Variants in LINC00632 observed in about 807,000 individuals in gnomAD.
LINC00632 encodes ALDOA related specific transcript.
rs535503136 is a variant in LINC00632, at chrX:140,725,988, G to A, written n.105-7890G>A. ...TAACACTGATTGCTTCACAACATAC[G>A]CACATAGCCCAAAACACACAAACAT... On this transcript the variant is annotated intron_variant and non_coding_transcript_variant, in intron 2 of 4. Transcript: ENST00000648200. 7.0e-4 allele frequency among the ~76,000 whole-genome samples: 78 copies of A among 110,746 alleles called. No individual in the cohort carries two copies. The South Asian group carries it at 0.018, about 26-fold the overall frequency.
At chrX:140,749,366 T>C (rs975577462) in intron 3 of LINC00632, among the ~76,000 whole-genome samples, 10 of 111,798 alleles carry the variant, frequency 8.9e-5, no homozygotes. Context: ...GTAACAGGGA[T>C]GGGAAAGTTT....
At chrX:140,780,453 T>G (rs1247691048) in exon 5 of LINC00632, among the ~76,000 whole-genome samples, 1 of 112,124 alleles carries the variant, frequency 8.9e-6, no homozygotes, top group Non-Finnish European at 1.9e-5. Flanking sequence ...TATGCTATAA[T>G]GTGGTTATCA....
chrX:140,787,578 AAGG>A lies in LINC00632; in HGVS notation n.15600_15602del, dbSNP rs755100098. Among the ~76,000 whole-genome samples the A allele has an allele frequency of 3.7e-3, 412 of 111,394 alleles. 6 individuals are homozygous for A. Among genetic ancestry groups the A allele is most frequent in the African/African-American group, 0.013 (397 of 30,772 alleles). On this transcript the variant is annotated non_coding_transcript_exon_variant, in exon 5 of 5. Transcript: ENST00000648200. Reference sequence around the variant, plus strand: ...GGTATTACTTAGGATAAATTTCTAAAAGGAGAGTTGCTGAGCCAAACAAGACCA... The same window carrying A: ...GGTATTACTTAGGATAAATTTCTAAAAGAGTTGCTGAGCCAAACAAGACCA...
intron 2 of LINC00632, among the ~76,000 whole-genome samples, chrX:140,729,101 C>A (rs1931013851): frequency 9.0e-6 from 1 of 110,766 alleles, no homozygotes; most frequent in African/African-American, 3.3e-5. Context: ...ACTTGACATA[C>A]CCCACAACAC....
Position 140,742,113 on chromosome X carries a change from T to G in LINC00632, n.191+8149T>G, listed in dbSNP as rs146968000. On this transcript the variant is annotated intron_variant and non_coding_transcript_variant, in intron 3 of 4. Transcript: ENST00000648200. ...TTGTAGGGAACTTCTAATCTATCTT[T>G]ACAGTAAATAGACTGAATATATTGG... Among the ~76,000 whole-genome samples, 722 of 111,795 alleles carry G rather than the reference T, an allele frequency of 6.5e-3. 7 individuals carry two copies. Among genetic ancestry groups the G allele is most frequent in the African/African-American group, 0.022 (689 of 30,751 alleles).
chrX:140,721,080 C>T (rs1930721578), intron 2 of LINC00632, among the ~76,000 whole-genome samples: 2 of 111,510 alleles, frequency 1.8e-5, no homozygotes, highest in South Asian at 7.6e-4. Context: ...TGATTTGTCC[C>T]CTAACAACTA....
intron 3 of LINC00632, among the ~76,000 whole-genome samples, chrX:140,757,611 G>A (rs1205160036): frequency 1.8e-5 from 2 of 111,434 alleles, no homozygotes; most frequent in Admixed American, 1.9e-4. Flanking sequence ...CTGTCACCCA[G>A]GCTGTAGTGC....
intron 2 of LINC00632, chrX:140,716,195 A>C (rs772280503): frequency 1.8e-5 from 2 of 112,023 alleles, no homozygotes; most frequent in African/African-American, 6.5e-5. Context: ...AACAACAGAA[A>C]TACAGCTTGT....
chrX:140,788,180 G>A (rs1185407693), exon 5 of LINC00632, among the ~76,000 whole-genome samples: 3 of 110,321 alleles, frequency 2.7e-5, no homozygotes, highest in African/African-American at 9.8e-5. Flanking sequence ...TGGGGTTGAG[G>A]AAATAGGGTC....
At chrX:140,736,475 T>C (rs999825978) in intron 3 of LINC00632, among the ~76,000 whole-genome samples, 7 of 100,109 alleles carry the variant, frequency 7.0e-5, no homozygotes, top group Non-Finnish European at 1.4e-4. Flanking sequence ...ACTCGTTCTG[T>C]TGCCAGCCTG....
At chrX:140,724,838 C>T (rs111220876) in intron 2 of LINC00632, among the ~76,000 whole-genome samples, 149 of 50,625 alleles carry the variant, frequency 2.9e-3, no homozygotes, top group Non-Finnish European at 3.7e-3. Flanking sequence ...ACATTCCACA[C>T]GCACACACAT....
intron 3 of LINC00632, among the ~76,000 whole-genome samples, chrX:140,741,457 A>G (rs1486758640): frequency 8.9e-6 from 1 of 112,059 alleles, no homozygotes; most frequent in African/African-American, 3.2e-5. Context: ...AGAAATGCAC[A>G]TAGGGTTAGA....
exon 4 of LINC00632, among the ~76,000 whole-genome samples, chrX:140,773,711 AC>A (rs896219323): frequency 8.9e-6 from 1 of 112,100 alleles, no homozygotes; most frequent in African/African-American, 3.2e-5. Context: ...GCTCCTACAG[AC>A]AAAAATGCAG....
At chrX:140,770,580 ATTACTG>A (rs1931772871) in intron 3 of LINC00632, among the ~76,000 whole-genome samples, 8 of 111,801 alleles carry the variant, frequency 7.2e-5, no homozygotes. Context: ...CATAAAATAA[ATTACTG>A]ATAACATTGT....
intron 2 of LINC00632, among the ~76,000 whole-genome samples, chrX:140,721,653 CA>C (rs1930729821): frequency 9.1e-6 from 1 of 110,362 alleles, no homozygotes; most frequent in Non-Finnish European, 1.9e-5. Context: ...GTCCGTGGCC[CA>C]GGGGTTAGGG....
intron 1 of LINC00632, among the ~76,000 whole-genome samples, chrX:140,710,627 CTG>C (rs1213154633): frequency 1.9e-5 from 2 of 106,970 alleles, no homozygotes; most frequent in African/African-American, 6.8e-5. Flanking sequence ...TTTTGTAGCT[CTG>C]TTTCTGCAAG....
At chrX:140,773,991 G>A (rs1217685438) in exon 4 of LINC00632, among the ~76,000 whole-genome samples, 1 of 112,531 alleles carries the variant, frequency 8.9e-6, no homozygotes, top group Non-Finnish European at 1.9e-5. Context: ...ATTTTGGAAT[G>A]AGGTTGTGAC....
intron 3 of LINC00632, among the ~76,000 whole-genome samples, chrX:140,739,696 C>G (rs1348319113): frequency 9.0e-6 from 1 of 110,784 alleles, no homozygotes; most frequent in East Asian, 2.8e-4. Flanking sequence ...GATATAACAA[C>G]AGCCGTGACC....
exon 5 of LINC00632, among the ~76,000 whole-genome samples, chrX:140,790,936 A>G (rs778765435): frequency 1.3e-3 from 149 of 111,435 alleles, no homozygotes; most frequent in Middle Eastern, 4.7e-3. Flanking sequence ...CAATCATGCC[A>G]TTTGTAAATA....
Sources: gnomAD v4.1 joint callset for allele counts (sites outside exome capture counted in the v4.1 genomes callset) on GRCh38, gnomAD v4.1.1 for gene constraint, MANE v1.5 for transcripts, NCBI Gene and HGNC (gene_info 2026-07-23, HGNC 2026-07-21) for gene names.